The following GAL3ST2 variants were observed in gnomAD, a reference collection of about 807,000 sequenced individuals.
GAL3ST2 encodes the protein galactose-3-O-sulfotransferase 2.
GAL3ST2 carries 16 observed loss-of-function variants against 12.9 expected under a neutral mutation model. That is an observed-to-expected ratio of 1.24 (90% CI 0.84 to 1.88). The LOEUF is 1.88. Ranked by LOEUF, GAL3ST2 falls within the 40% of genes most tolerant of loss-of-function variation. The pLI is 0.00. For missense variants in GAL3ST2, 639 were observed against 571.8 expected, an observed-to-expected ratio of 1.12 and a Z score of -1.20; for synonymous variants, 302 against 273.9, an observed-to-expected ratio of 1.10 and a Z score of -1.01.
At chr2:241,790,078 CTT>C (rs1295497565) in intron 1 of GAL3ST2, among the ~76,000 whole-genome samples, 4 of 152,094 alleles carry the variant, frequency 2.6e-5, no homozygotes, top group Non-Finnish European at 5.9e-5. Flanking sequence ...TCAATTGTGT[CTT>C]TGACTATGGT....
intron 1 of GAL3ST2, among the ~76,000 whole-genome samples, chr2:241,780,435 C>T (rs1216621633): frequency 5.3e-5 from 8 of 152,140 alleles, no homozygotes; most frequent in African/African-American, 1.9e-4. Flanking sequence ...AGGAGAACTG[C>T]TTGAACCTGG....
rs528390285 is a variant in GAL3ST2 at position 241,777,732 on chromosome 2, G to A, written c.29+748G>A. Among the ~76,000 whole-genome samples, 24 of 152,320 alleles carry A rather than the reference G, an allele frequency of 1.6e-4. 2 individuals carry two copies. The South Asian group carries it at 5.0e-3, about 32-fold the overall frequency. On this transcript the variant is annotated intron_variant, in intron 1 of 3. Coordinates refer to ENST00000192314, the MANE Select transcript of GAL3ST2 (RefSeq NM_022134.3). Reference sequence around the variant, plus strand: ...GGACACCCCGTCACAGGGCTGAGAGGTGTGGGGCCGGCTGCCTGGCCTGGA... The same window carrying A: ...GGACACCCCGTCACAGGGCTGAGAGATGTGGGGCCGGCTGCCTGGCCTGGA...
At chr2:241,798,331 A>G (rs896323533) in intron 1 of GAL3ST2, among the ~76,000 whole-genome samples, 2 of 152,198 alleles carry the variant, frequency 1.3e-5, no homozygotes, top group Admixed American at 1.3e-4. Flanking sequence ...CCCCAGCAGC[A>G]GACATGTGCT....
Position 241,803,700 on chromosome 2 carries a change from C to T in GAL3ST2, c.731C>T (p.Ala244Val), listed in dbSNP as rs772800778. ...CTGCTGCGGCGCCGGCTGCGCTGGG[C>T]GCTGGACGACGTGGTGGCCTTCAGG... ...LVLLRRRLRWALDDVVAFRLN... is the reference protein window; with the variant it reads ...LVLLRRRLRWVLDDVVAFRLN... The change falls in exon 4 of 4, where the codon GCG becomes GTG. Residue 244 changes from alanine (A) to valine (V), a missense_variant. Coordinates refer to ENST00000192314, the MANE Select transcript of GAL3ST2 (RefSeq NM_022134.3). 75 of 1,544,738 alleles carry T rather than the reference C, an allele frequency of 4.9e-5. 1 individual carries two copies. Among genetic ancestry groups the T allele is most frequent in the South Asian group, 9.6e-5 (8 of 83,558 alleles).
chr2:241,788,256 T>G (rs1699651218), intron 1 of GAL3ST2, among the ~76,000 whole-genome samples: 1 of 152,202 alleles, frequency 6.6e-6, no homozygotes, highest in African/African-American at 2.4e-5. Context: ...ACCTGACCTC[T>G]TTGGCTTTGG....
At position 241,802,254 on chromosome 2, in the gene GAL3ST2, G is replaced by A. The variant is rs1291740277; in HGVS notation, c.375+218G>A. On this transcript the variant is annotated intron_variant, in intron 3 of 3. Transcript: ENST00000192314. This position sits in a 1 kb window ranked among gnomAD's most constrained non-coding sequence, Gnocchi z 4.8. ...GCCGTTGCTCTTGGAATGAGACCTG[G>A]GAGCCCCACAGCCCCTGCCCAAGGG... 1.3e-5 allele frequency among the ~76,000 whole-genome samples: 2 copies of A among 152,204 alleles called. No individual in the cohort carries two copies. Among genetic ancestry groups the A allele is most frequent in the Non-Finnish European group, 2.9e-5 (2 of 68,024 alleles).
chr2:241,784,730 A>G (rs1177601928), intron 1 of GAL3ST2, among the ~76,000 whole-genome samples: 2 of 152,364 alleles, frequency 1.3e-5, no homozygotes, highest in East Asian at 1.9e-4. Flanking sequence ...TGATAGAAGT[A>G]CATCTTACTG....
intron 2 of GAL3ST2, 69 bp downstream of exon 2, chr2:241,799,223 AC>A: frequency 7.3e-7 from 1 of 1,370,914 alleles, no homozygotes; most frequent in Non-Finnish European, 1.0e-6. Context: ...AGAGCCTGGG[AC>A]CCCAGCATGA....
rs1559415711 is a variant in GAL3ST2, at chr2:241,793,655, CATATGTGTGTGTATGCACATATTGT to C, written c.30-5409_30-5385del. Among the ~76,000 whole-genome samples, 29 of 147,582 alleles carry C rather than the reference CATATGTGTGTGTATGCACATATTGT, an allele frequency of 2.0e-4. No homozygotes were observed. The highest frequency in any genetic ancestry group is 6.8e-4 in the African/African-American group (27 of 39,762). ...TGTTTGTGTGTACATATTGTGTATG[CATATGTGTGTGTATGCACATATTGT>C]GTATGTGTGTGTATATGTGTATGTA... On this transcript the variant is annotated intron_variant, in intron 1 of 3. Transcript: ENST00000192314. This position sits in a 1 kb window ranked among gnomAD's most constrained non-coding sequence, Gnocchi z 4.7.
At chr2:241,792,236 G>A (rs1699701708) in intron 1 of GAL3ST2, among the ~76,000 whole-genome samples, 1 of 151,448 alleles carries the variant, frequency 6.6e-6, no homozygotes. Context: ...CACTATGTTG[G>A]TCAGGCTGGT....
In GAL3ST2 at chr2:241,803,396, C is replaced by T. The variant is rs756622639; in HGVS notation, c.427C>T (p.Pro143Ser). 10 of 1,612,510 alleles carry T rather than the reference C, an allele frequency of 6.2e-6. No homozygotes were observed. The highest frequency in any genetic ancestry group is 8.5e-6 in the Non-Finnish European group (10 of 1,179,398). Residue 143 changes from proline (P) to serine (S), a missense_variant, in exon 4 of 4, where the codon CCC becomes TCC. By Grantham distance (74) the Pro-to-Ser change is moderately conservative (BLOSUM62 -1). Coordinates refer to ENST00000192314, the MANE Select transcript of GAL3ST2 (RefSeq NM_022134.3). Reference sequence around the variant, plus strand: ...CTTCTACTTCTCCATCCTGAGGAACCCCGTGTTCCAGCTGGAGTCCTCCTT... The same window carrying T: ...CTTCTACTTCTCCATCCTGAGGAACTCCGTGTTCCAGCTGGAGTCCTCCTT... Reference protein sequence around the residue: ...DTFYFSILRNPVFQLESSFIY... With the variant: ...DTFYFSILRNSVFQLESSFIY...
rs1382317704 is a variant in GAL3ST2 at position 241,800,243 on chromosome 2, T to C, written c.119+1089T>C. Among the ~76,000 whole-genome samples the C allele has an allele frequency of 6.6e-6, 1 of 151,652 alleles. No homozygotes were observed. Among genetic ancestry groups the C allele is most frequent in the African/African-American group, 2.4e-5 (1 of 41,136 alleles). The stretch of plus-strand genomic sequence containing the variant: ...GTCAACTGAAGAATCATGACATCTA[T>C]GAATGTGGAGAGGACACTTTGTTTC... On this transcript the variant is annotated intron_variant, in intron 2 of 3. Coordinates refer to ENST00000192314, the MANE Select transcript of GAL3ST2 (RefSeq NM_022134.3). This position sits in a 1 kb window ranked among gnomAD's most constrained non-coding sequence, Gnocchi z 5.2.
intron 1 of GAL3ST2, among the ~76,000 whole-genome samples, chr2:241,781,341 C>T (rs1293092389): frequency 1.3e-5 from 2 of 152,136 alleles, no homozygotes; most frequent in Admixed American, 1.3e-4. Context: ...CATTTCAGCT[C>T]TCCATGAGAG....
Position 241,798,460 on chromosome 2 carries a change from C to T in GAL3ST2, c.30-605C>T, listed in dbSNP as rs186809703. Reference sequence around the variant, plus strand: ...TCTCTCTGTGCCCCTATATGGGGAGCGAGGGTGGGGAGTGGAAGCTGCACT... The same window carrying T: ...TCTCTCTGTGCCCCTATATGGGGAGTGAGGGTGGGGAGTGGAAGCTGCACT... On this transcript the variant is annotated intron_variant, in intron 1 of 3. Coordinates refer to ENST00000192314, the MANE Select transcript of GAL3ST2 (RefSeq NM_022134.3). 3.2e-4 allele frequency among the ~76,000 whole-genome samples: 49 copies of T among 152,172 alleles called. No homozygotes were observed. In the East Asian group the frequency reaches 8.1e-3, roughly 25 times the overall value.
rs1475055472 is a variant in GAL3ST2 at position 241,800,722 on chromosome 2, G to A, written c.120-1059G>A. 1.3e-5 allele frequency among the ~76,000 whole-genome samples: 2 copies of A among 152,212 alleles called. No homozygotes were observed. Among genetic ancestry groups the A allele is most frequent in the Admixed American group, 6.5e-5 (1 of 15,280 alleles). On this transcript the variant is annotated intron_variant, in intron 2 of 3. Coordinates refer to ENST00000192314, the MANE Select transcript of GAL3ST2 (RefSeq NM_022134.3). The surrounding 1 kb of genome is among the most constrained non-coding windows in gnomAD (Gnocchi z 5.2). ...TCTGGCTGGGGGAGCAGGGGTCAGCGAGGCAGCGTCTGGCAGCGGGTGAGC... is the reference window on the plus strand; with the variant it reads ...TCTGGCTGGGGGAGCAGGGGTCAGCAAGGCAGCGTCTGGCAGCGGGTGAGC...
chr2:241,799,369 C>T (rs1181153063), intron 2 of GAL3ST2, among the ~76,000 whole-genome samples: 3 of 152,138 alleles, frequency 2.0e-5, no homozygotes, highest in East Asian at 1.9e-4. Flanking sequence ...GAGCAGGGGC[C>T]GGGTCTGGGT....
At position 241,793,318 on chromosome 2, in the gene GAL3ST2, G is replaced by A. The variant is rs909834270; in HGVS notation, c.30-5747G>A. 1.3e-5 allele frequency among the ~76,000 whole-genome samples: 2 copies of A among 151,992 alleles called. No homozygotes were observed. Among genetic ancestry groups the A allele is most frequent in the Admixed American group, 1.3e-4 (2 of 15,222 alleles). The stretch of plus-strand genomic sequence containing the variant: ...GAACCGCAGGGGGATGTGTGTGTCC[G>A]TGTGTGTGTATGTGTATGTATCTGT... On this transcript the variant is annotated intron_variant, in intron 1 of 3. Coordinates refer to ENST00000192314, the MANE Select transcript of GAL3ST2 (RefSeq NM_022134.3). This position sits in a 1 kb window ranked among gnomAD's most constrained non-coding sequence, Gnocchi z 4.7.
intron 1 of GAL3ST2, among the ~76,000 whole-genome samples, chr2:241,787,788 C>T (rs192171545): frequency 6.4e-4 from 98 of 152,272 alleles, no homozygotes; most frequent in South Asian, 1.2e-3. Flanking sequence ...TTAATTTCTC[C>T]TTTCCGTCAG....
rs561442928 is a variant in GAL3ST2 at position 241,801,802 on chromosome 2, G to A, written c.141G>A (p.Glu47=). ...LDTPLFGGQA[E]GPPVTNIMFL... is the part of the protein sequence containing the mutation. Reference sequence around the variant, plus strand: ...CCAGCCTGTTTGGGGGCCAGGCTGAGGGGCCGCCGGTCACCAACATCATGT... The same window carrying A: ...CCAGCCTGTTTGGGGGCCAGGCTGAAGGGCCGCCGGTCACCAACATCATGT... Residue 47 remains glutamate, a synonymous_variant, in exon 3 of 4, where the codon GAG becomes GAA. Coordinates refer to ENST00000192314, the MANE Select transcript of GAL3ST2 (RefSeq NM_022134.3). The surrounding 1 kb of genome is among the most constrained non-coding windows in gnomAD (Gnocchi z 4.4). 5.6e-6 allele frequency: 9 copies of A among 1,612,670 alleles called. No homozygotes were observed. The East Asian group carries it at 1.6e-4, about 28-fold the overall frequency.
Sources: allele counts gnomAD v4.1 joint callset (sites outside exome capture counted in the v4.1 genomes callset), GRCh38; gene constraint gnomAD v4.1.1; non-coding constraint Gnocchi (gnomAD v3.1); transcripts MANE v1.5; gene names NCBI Gene and HGNC (gene_info 2026-07-23, HGNC 2026-07-21).